The following TRPM3 variants were observed in gnomAD, a reference collection of about 807,000 sequenced individuals.
The protein encoded by TRPM3 is transient receptor potential cation channel subfamily M member 3.
TRPM3 carries 77 observed loss-of-function variants against 181.2 expected under a neutral mutation model. That is an observed-to-expected ratio of 0.42 (90% CI 0.35 to 0.51). The LOEUF (loss-of-function observed/expected upper bound fraction) is 0.51, where lower values mean the gene tolerates loss of function less well. TRPM3 is among the 20% of genes least tolerant of loss of function. The probability of loss-of-function intolerance (pLI) is 0.01; values close to 1 mark genes in which losing one functional copy is unlikely to be tolerated. For missense variants in TRPM3, 1,759 were observed against 2,196.7 expected (o/e 0.80, Z 3.98); for synonymous variants, 745 against 796.4 (o/e 0.94, Z 1.09).
At chr9:70,640,947 A>G (rs1261928994) in intron 9 of TRPM3, among the ~76,000 whole-genome samples, 3 of 152,192 alleles carry the variant, frequency 2.0e-5, no homozygotes, top group African/African-American at 7.2e-5. Flanking sequence ...ATAATTGTAC[A>G]TGTTTATGGT....
chr9:70,582,648 T>A (rs2056187304), intron 22 of TRPM3, among the ~76,000 whole-genome samples: 2 of 152,306 alleles, frequency 1.3e-5, no homozygotes, highest in Admixed American at 1.3e-4. Context: ...AAATTAAAAA[T>A]TTAGTTTATT....
rs779304187 is a variant in TRPM3 at position 70,553,020 on chromosome 9, G to A, written c.3398C>T (p.Ser1133Leu). The A allele has an allele frequency of 6.2e-6, 10 of 1,614,014 alleles. No individual in the cohort carries two copies. The highest frequency in any genetic ancestry group is 1.1e-5 in the South Asian group (1 of 91,076). The change falls in exon 24 of 26, where the codon TCG (serine) becomes TTG (leucine). Residue 1133 changes from serine (S) to leucine (L), a missense_variant. Around this residue, in one of 8 missense-constraint regions of TRPM3, gnomAD observed 94 missense variants for 221.3 expected, o/e 0.42. Coordinates refer to ENST00000677713, the MANE Select transcript of TRPM3 (RefSeq NM_001366145.2). ...AAACTTCCAGACTTGGTTGGATATC[G>A]ATTTTACTTCAAAAAATGTATTGCT... ...VFNNTFFEVK[S>L]ISNQVWKFQR...
intron 1 of TRPM3, among the ~76,000 whole-genome samples, chr9:70,938,047 T>C (rs1445492205): frequency 6.6e-6 from 1 of 152,182 alleles, no homozygotes; most frequent in Admixed American, 6.5e-5. Context: ...TTGCTAACCA[T>C]TTTTCAGGAC....
intron 24 of TRPM3, among the ~76,000 whole-genome samples, chr9:70,552,222 A>G (rs2046639485): frequency 6.6e-6 from 1 of 152,194 alleles, no homozygotes; most frequent in Non-Finnish European, 1.5e-5. Flanking sequence ...TAATGTGTGG[A>G]GGCTGGATAT....
At chr9:71,238,719 T>A (rs909256064) in intron 1 of TRPM3, among the ~76,000 whole-genome samples, 4 of 152,202 alleles carry the variant, frequency 2.6e-5, no homozygotes, top group African/African-American at 9.6e-5. Context: ...ATGTGAAGGT[T>A]GTCAAGAAAA....
At chr9:71,324,803 A>G (rs1354017314) in intron 1 of TRPM3, among the ~76,000 whole-genome samples, 1 of 152,110 alleles carries the variant, frequency 6.6e-6, no homozygotes. Context: ...GAAGAAAATC[A>G]TGCCTTTAAA....
chr9:71,168,743 CATT>C (rs1271661139), intron 1 of TRPM3, among the ~76,000 whole-genome samples: 1 of 149,398 alleles, frequency 6.7e-6, no homozygotes, highest in Non-Finnish European at 1.5e-5. Flanking sequence ...ATTTTAATAA[CATT>C]ATTATTTATA....
chr9:70,618,822 C>T (rs1314575794), intron 17 of TRPM3, 45 bp downstream of exon 17: 1 of 1,558,964 alleles, frequency 6.4e-7, no homozygotes, highest in Non-Finnish European at 8.7e-7. Flanking sequence ...CTCTAACCCA[C>T]CCGCCGGTCC....
intron 1 of TRPM3, among the ~76,000 whole-genome samples, chr9:70,984,559 A>G (rs2097400142): frequency 6.6e-6 from 1 of 152,314 alleles, no homozygotes; most frequent in African/African-American, 2.4e-5. Flanking sequence ...AGCTACTGGG[A>G]TTAGCAGGTG....
intron 24 of TRPM3, among the ~76,000 whole-genome samples, 177 bp downstream of exon 24, chr9:70,552,667 C>A (rs565968560): frequency 6.6e-6 from 1 of 152,170 alleles, no homozygotes; most frequent in African/African-American, 2.4e-5. Flanking sequence ...TTCTTTCTGA[C>A]ATTATTTCTC....
intron 1 of TRPM3, among the ~76,000 whole-genome samples, chr9:71,083,713 TACACACAC>T (rs34900575): frequency 0.041 from 5,989 of 145,378 alleles, 171 homozygotes; most frequent in Middle Eastern, 0.1. Flanking sequence ...TATTATTATG[TACACACAC>T]ACACACACAC....
rs540280737 is a variant in TRPM3 at position 70,541,568 on chromosome 9, G to A, written c.3708-4163C>T. Among the ~76,000 whole-genome samples the A allele has an allele frequency of 5.2e-4, 78 of 151,034 alleles. 1 individual carries two copies. The highest frequency in any genetic ancestry group is 1.8e-3 in the African/African-American group (75 of 40,996). On this transcript the variant is annotated intron_variant, in intron 25 of 25. Transcript: ENST00000677713. ...CTCTTGTTGCCCAGGCTGGAGTGGA[G>A]TGGTGCGATCTCGGTTCACCCCAAC...
intron 1 of TRPM3, among the ~76,000 whole-genome samples, chr9:71,377,373 A>G (rs969844912): frequency 6.6e-6 from 1 of 152,130 alleles, no homozygotes; most frequent in African/African-American, 2.4e-5. Context: ...GATCAGCCAC[A>G]CAGAGGGTCT....
chr9:71,368,327 A>G (rs1182571946), intron 1 of TRPM3, among the ~76,000 whole-genome samples: 1 of 152,180 alleles, frequency 6.6e-6, no homozygotes, highest in Non-Finnish European at 1.5e-5. Flanking sequence ...TCACTAGCCA[A>G]CAGTGATTGG....
At chr9:70,818,209 G>C (rs1219057517) in intron 6 of TRPM3, among the ~76,000 whole-genome samples, 1 of 152,152 alleles carries the variant, frequency 6.6e-6, no homozygotes, top group Non-Finnish European at 1.5e-5. Flanking sequence ...AAAGACATAT[G>C]CCAGAAATGG....
intron 1 of TRPM3, among the ~76,000 whole-genome samples, chr9:71,205,852 C>T (rs2079090787): frequency 6.6e-6 from 1 of 152,142 alleles, no homozygotes; most frequent in Non-Finnish European, 1.5e-5. Flanking sequence ...TGAGAAATGA[C>T]CTAAATCCCT....
At chr9:70,564,878 C>A (rs1458761130) in intron 22 of TRPM3, among the ~76,000 whole-genome samples, 31 of 152,170 alleles carry the variant, frequency 2.0e-4, no homozygotes, top group Admixed American at 2.0e-3. Flanking sequence ...ATTTACAAAT[C>A]CCCTGGTAAG....
intron 6 of TRPM3, among the ~76,000 whole-genome samples, chr9:70,795,414 T>G (rs575066730): frequency 4.2e-4 from 64 of 152,330 alleles, no homozygotes; most frequent in Non-Finnish European, 7.5e-4. Context: ...AAATGATTCA[T>G]GAAGAGAAAA....
At chr9:71,311,579 G>A (rs2087937219) in intron 1 of TRPM3, among the ~76,000 whole-genome samples, 1 of 151,980 alleles carries the variant, frequency 6.6e-6, no homozygotes, top group South Asian at 2.1e-4. Context: ...ACTGAATCTA[G>A]ATACAGACTT....
Sources: allele counts gnomAD v4.1 joint callset (sites outside exome capture counted in the v4.1 genomes callset), GRCh38; gene constraint gnomAD v4.1.1; regional missense constraint gnomAD v4.1.1; transcripts MANE v1.5; gene names NCBI Gene and HGNC (gene_info 2026-07-23, HGNC 2026-07-21).